MFSD1: variants seen among roughly 807,000 people sequenced by gnomAD.
MFSD1 encodes major facilitator superfamily domain containing 1.
Under a neutral mutation model 67.1 loss-of-function variants are expected in MFSD1, and 59 were observed. The observed-to-expected ratio is 0.88, with a 90% CI of 0.71 to 1.09. The LOEUF is 1.09. Ranked by LOEUF, MFSD1 falls within the 50% of genes least tolerant of loss-of-function variation. MFSD1 has a pLI of 0.00. For missense variants in MFSD1, 552 were observed against 566.1 expected, an observed-to-expected ratio of 0.97 and a Z score of 0.25; for synonymous variants, 213 against 200.3, an observed-to-expected ratio of 1.06 and a Z score of -0.54.
chr3:158,819,429 T>A (rs1369958970), intron 7 of MFSD1: 1 of 390,464 alleles, frequency 2.6e-6, no homozygotes, highest in African/African-American at 2.1e-5. Context: ...AACTTTGAAC[T>A]GTGAAATAAT....
intron 6 of MFSD1, among the ~76,000 whole-genome samples, chr3:158,810,242 T>G (rs943613977): frequency 6.6e-6 from 1 of 152,186 alleles, no homozygotes; most frequent in Non-Finnish European, 1.5e-5. Context: ...ATGCAAACTA[T>G]AAGGTGTGTT....
At chr3:158,819,532 T>C (rs1730556154) in intron 7 of MFSD1, 117 bp from the exon 8 acceptor site, 3 of 494,246 alleles carry the variant, frequency 6.1e-6, no homozygotes, top group Admixed American at 3.9e-5. Flanking sequence ...CGTGTCTTTA[T>C]GTGACATCCC....
In MFSD1 at chr3:158,827,976, G is replaced by GAGAGAGAC. The variant is rs1553759912; in HGVS notation, c.1394+642_1394+643insGAGACAGA. Among the ~76,000 whole-genome samples the GAGAGAGAC allele has an allele frequency of 2.6e-3, 201 of 78,542 alleles. 5 individuals are homozygous for GAGAGAGAC. Among genetic ancestry groups the GAGAGAGAC allele is most frequent in the East Asian group, 4.8e-3 (11 of 2,310 alleles). The allele number at this position is 78,542 out of a possible 152,430, so 51.5% of individuals were successfully genotyped here. A position where few individuals can be genotyped will look rare whatever the true frequency, so the allele number is the denominator to read the frequency against. On this transcript the variant is annotated intron_variant, in intron 15 of 15. Transcript: ENST00000415822. ...AGAGAGAGAGAGAGAGAGAGAGAGA[G>GAGAGAGAC]AGACAGAGATCGATCTATATTACTT... is the stretch of plus-strand genomic sequence containing the variant.
chr3:158,822,208 A>C (rs888874561), intron 11 of MFSD1, 68 bp downstream of exon 11: 1 of 1,472,176 alleles, frequency 6.8e-7, no homozygotes, highest in African/African-American at 1.4e-5. Context: ...TCATCTAAGT[A>C]GGCACGCTCA....
In MFSD1 at chr3:158,820,318, A is replaced by G; in HGVS notation, c.855A>G (p.Gly285=). The G allele has an allele frequency of 6.3e-7, 1 of 1,597,376 alleles. No individual in the cohort carries two copies. The highest frequency in any genetic ancestry group is 2.2e-5 in the East Asian group (1 of 44,660). Residue 285 remains glycine, a synonymous_variant, in exon 9 of 16, where the codon GGA becomes GGG. Coordinates refer to ENST00000415822, the MANE Select transcript of MFSD1 (RefSeq NM_022736.4). ...CYYVAVFPFI[G]LGKVFFTEKF... is the part of the protein sequence containing the mutation. ...ATGTTGCTGTGTTCCCTTTTATTGG[A>G]CTTGGGAAGTGAGTATTCTCTATGT...
At chr3:158,828,002 G>C (rs559567906) in intron 15 of MFSD1, among the ~76,000 whole-genome samples, 1 of 139,190 alleles carries the variant, frequency 7.2e-6, no homozygotes, top group South Asian at 2.4e-4. Flanking sequence ...TATATTACTT[G>C]TAATTTATTG....
At chr3:158,816,289 A>G (rs1211284549) in intron 7 of MFSD1, among the ~76,000 whole-genome samples, 5 of 152,122 alleles carry the variant, frequency 3.3e-5, no homozygotes, top group South Asian at 2.1e-4. Flanking sequence ...AAGTGTTCCT[A>G]TTTCTCCACA....
chr3:158,802,279 C>A lies in MFSD1; in HGVS notation c.127C>A (p.Leu43Ile). The A allele has an allele frequency of 6.2e-7, 1 of 1,611,592 alleles. No homozygotes were observed. Among genetic ancestry groups the A allele is most frequent in the South Asian group, 1.1e-5 (1 of 90,878 alleles). ...LCDPSRLAHR[L>I]LVLLLMCFLG... is the part of the protein sequence containing the mutation. ...CGACCCCAGTCGCCTGGCGCACCGG[C>A]TTTTGGTGCTGTTACTGATGTGCTT... Residue 43 changes from leucine (L) to isoleucine (I), a missense_variant, in exon 1 of 16, where the codon CTT (leucine) becomes ATT (isoleucine). By Grantham distance (5) the Leu-to-Ile change is conservative. Transcript: ENST00000415822.
In MFSD1 at chr3:158,821,627, T is replaced by A; in HGVS notation, c.894T>A (p.Ser298=). 6.2e-7 allele frequency: 1 copy of A among 1,610,674 alleles called. No homozygotes were observed. Among genetic ancestry groups the A allele is most frequent in the Non-Finnish European group, 8.5e-7 (1 of 1,178,278 alleles). The change falls in exon 10 of 16, where the codon TCT becomes TCA. Residue 298 remains serine (S), a synonymous_variant. Coordinates refer to ENST00000415822, the MANE Select transcript of MFSD1 (RefSeq NM_022736.4). The stretch of plus-strand genomic sequence containing the variant: ...TCTTTACAGAGAAATTTGGATTTTC[T>A]TCCCAGGCAGCAAGTGCAATTAACA... ...KVFFTEKFGF[S]SQAASAINSV...
intron 9 of MFSD1, among the ~76,000 whole-genome samples, chr3:158,821,122 T>C (rs1730646272): frequency 6.6e-6 from 1 of 152,224 alleles, no homozygotes; most frequent in Admixed American, 6.5e-5. Context: ...AATTCTTCTT[T>C]GCTTTATCTT....
chr3:158,827,420 G>GTTT (rs61485884), intron 15 of MFSD1, 83 bp downstream of exon 15: 1,925 of 475,726 alleles, frequency 4.0e-3, no homozygotes, highest in Middle Eastern at 5.7e-3. Context: ...GGGCTTTGAA[G>GTTT]TTTTTTTTTT....
chr3:158,815,030 T>C (rs1167970876), intron 7 of MFSD1, among the ~76,000 whole-genome samples: 2 of 152,132 alleles, frequency 1.3e-5, no homozygotes, highest in Non-Finnish European at 2.9e-5. Flanking sequence ...TGAGGTGAAC[T>C]GAGATCACGC....
chr3:158,814,346 A>C (rs1156685493), intron 7 of MFSD1, among the ~76,000 whole-genome samples: 2 of 152,124 alleles, frequency 1.3e-5, no homozygotes, highest in Non-Finnish European at 2.9e-5. Context: ...TTTGAGACAG[A>C]GTCTTGCTCT....
intron 3 of MFSD1, among the ~76,000 whole-genome samples, chr3:158,805,738 A>G (rs1729691021): frequency 6.6e-6 from 1 of 152,220 alleles, no homozygotes; most frequent in South Asian, 2.1e-4. Flanking sequence ...GGGATCAGGT[A>G]AACCAGGTTC....
intron 3 of MFSD1, among the ~76,000 whole-genome samples, chr3:158,806,339 C>G (rs1242017654): frequency 6.6e-6 from 1 of 152,096 alleles, no homozygotes; most frequent in Non-Finnish European, 1.5e-5. Flanking sequence ...CAGGAGATGA[C>G]AAGAATTGTC....
Position 158,814,005 on chromosome 3 carries a change from C to G in MFSD1, c.590C>G (p.Ser197Cys), listed in dbSNP as rs752847295. 31 of 1,612,876 alleles carry G rather than the reference C, an allele frequency of 1.9e-5. No homozygotes were observed. Among genetic ancestry groups the G allele is most frequent in the Non-Finnish European group, 2.6e-5 (31 of 1,179,554 alleles). ...VNMNLMGWLYSKIEALLGSAG... is the reference protein window; with the variant it reads ...VNMNLMGWLYCKIEALLGSAG... ...ATGAACCTCATGGGATGGCTGTATTCTAAGATTGAAGCTTTGTTAGGTTCT... is the reference window on the plus strand; with the variant it reads ...ATGAACCTCATGGGATGGCTGTATTGTAAGATTGAAGCTTTGTTAGGTTCT... The change falls in exon 7 of 16, where the codon TCT becomes TGT. Residue 197 changes from serine to cysteine, a missense_variant. Physicochemically the swap from Ser to Cys is moderately radical, Grantham distance 112. Transcript: ENST00000415822.
intron 7 of MFSD1, among the ~76,000 whole-genome samples, chr3:158,817,759 C>T (rs918639989): frequency 2.6e-5 from 4 of 152,028 alleles, no homozygotes; most frequent in African/African-American, 7.2e-5. Context: ...CTTTAAAGTT[C>T]GTATGGAACG....
chr3:158,822,295 T>A, intron 11 of MFSD1, 155 bp downstream of exon 11: 1 of 495,032 alleles, frequency 2.0e-6, no homozygotes. Context: ...AATTATTTTT[T>A]AAAGTATAAT....
chr3:158,819,820 C>A, intron 8 of MFSD1, 73 bp downstream of exon 8: 1 of 789,100 alleles, frequency 1.3e-6, no homozygotes, highest in Non-Finnish European at 2.1e-6. Context: ...GATCTAAGTT[C>A]CTAATGAAGT....
Sources: allele counts gnomAD v4.1 joint callset (sites outside exome capture counted in the v4.1 genomes callset), GRCh38; gene constraint gnomAD v4.1.1; transcripts MANE v1.5; gene names NCBI Gene and HGNC (gene_info 2026-07-23, HGNC 2026-07-21).